The following LRFN5 variants were observed in gnomAD, a reference collection of about 807,000 sequenced individuals.
LRFN5 encodes leucine-rich repeat and fibronectin type-III domain-containing protein 5.
Under a neutral mutation model 45.6 loss-of-function variants are expected in LRFN5, and 24 were observed. The ratio of observed to expected loss-of-function variants is 0.53; its 90% CI spans 0.38 to 0.74. The LOEUF (loss-of-function observed/expected upper bound fraction) is 0.74, where lower values mean the gene tolerates loss of function less well. LRFN5 is among the 30% of genes least tolerant of loss of function. The pLI, the probability that LRFN5 is intolerant of heterozygous loss-of-function variation, is 0.00. For missense variants in LRFN5, 776 were observed against 861.5 expected, an observed-to-expected ratio of 0.90 and a Z score of 1.24; for synonymous variants, 340 against 313.8, an observed-to-expected ratio of 1.08 and a Z score of -0.88.
In LRFN5 at chr14:41,814,682, C is replaced by A. The variant is rs148492523; in HGVS notation, c.-21+47653C>A. ...TCGTGCTTCTAATTACTGCTCCCCC[C>A]ACTTTGTATTTTGTCACAACTAACC... On this transcript the variant is annotated intron_variant, in intron 2 of 5. Transcript: ENST00000298119. 3.9e-5 allele frequency among the ~76,000 whole-genome samples: 6 copies of A among 152,254 alleles called. No homozygotes were observed. The South Asian group carries it at 6.2e-4, about 16-fold the overall frequency.
intron 1 of LRFN5, among the ~76,000 whole-genome samples, chr14:41,676,028 G>A (rs977348207): frequency 6.6e-6 from 1 of 152,126 alleles, no homozygotes; most frequent in Admixed American, 6.5e-5. Context: ...AACCAAGAAG[G>A]GAAAGCTCCC....
intron 2 of LRFN5, among the ~76,000 whole-genome samples, chr14:41,872,546 A>G (rs1890053333): frequency 6.6e-6 from 1 of 152,198 alleles, no homozygotes; most frequent in Non-Finnish European, 1.5e-5. Flanking sequence ...ATTAGGAATG[A>G]GTCCTTATCA....
chr14:41,785,802 G>C (rs568555703), intron 2 of LRFN5, among the ~76,000 whole-genome samples: 29 of 152,240 alleles, frequency 1.9e-4, no homozygotes, highest in African/African-American at 7.0e-4. Context: ...TGTATAAAAG[G>C]CATGCAGCCT....
chr14:41,750,421 A>G (rs1454576126), intron 1 of LRFN5, among the ~76,000 whole-genome samples: 2 of 151,644 alleles, frequency 1.3e-5, no homozygotes, highest in Non-Finnish European at 2.9e-5. Flanking sequence ...GACCTGTGCA[A>G]GAGACATCAT....
chr14:41,693,653 T>G (rs1265745308), intron 1 of LRFN5, among the ~76,000 whole-genome samples: 1 of 152,086 alleles, frequency 6.6e-6, no homozygotes, highest in Non-Finnish European at 1.5e-5. Context: ...ATATTAACTT[T>G]GTATTCTGTG....
intron 1 of LRFN5, among the ~76,000 whole-genome samples, chr14:41,747,918 C>A (rs1297436942): frequency 6.6e-6 from 1 of 152,056 alleles, no homozygotes; most frequent in Admixed American, 6.6e-5. Flanking sequence ...CTAGCATCAA[C>A]AGTTTTAGGA....
At chr14:41,698,044 C>G (rs961873949) in intron 1 of LRFN5, among the ~76,000 whole-genome samples, 3 of 151,792 alleles carry the variant, frequency 2.0e-5, no homozygotes. Flanking sequence ...TGAACAGAAT[C>G]CTGCACATGA....
chr14:41,760,833 T>C (rs993113781), intron 1 of LRFN5, among the ~76,000 whole-genome samples: 1 of 152,120 alleles, frequency 6.6e-6, no homozygotes, highest in Non-Finnish European at 1.5e-5. Flanking sequence ...GATTATATTA[T>C]AGAACAACAT....
intron 1 of LRFN5, among the ~76,000 whole-genome samples, chr14:41,734,197 A>T (rs1884306799): frequency 7.0e-6 from 1 of 142,996 alleles, no homozygotes; most frequent in African/African-American, 2.5e-5. Context: ...TTTTTAGTAG[A>T]GATGGGGTTT....
At chr14:41,774,898 G>A (rs186840888) in intron 2 of LRFN5, among the ~76,000 whole-genome samples, 161 of 152,088 alleles carry the variant, frequency 1.1e-3, no homozygotes, top group Admixed American at 2.6e-3. Context: ...ATGTAAGGCT[G>A]GATAATGACT....
chr14:41,614,093 C>G (rs1474779633), intron 1 of LRFN5, among the ~76,000 whole-genome samples: 7 of 151,988 alleles, frequency 4.6e-5, no homozygotes, highest in Admixed American at 3.3e-4. Context: ...TGGTACTTTT[C>G]TTATTAATTA....
intron 1 of LRFN5, among the ~76,000 whole-genome samples, chr14:41,615,062 G>A (rs1009897344): frequency 6.6e-6 from 1 of 151,974 alleles, no homozygotes; most frequent in Non-Finnish European, 1.5e-5. Flanking sequence ...AACCACAGAT[G>A]TTCAAATTTA....
chr14:41,865,333 T>C lies in LRFN5; in HGVS notation c.-20-21273T>C, dbSNP rs370555255. On this transcript the variant is annotated intron_variant, in intron 2 of 5. Coordinates refer to ENST00000298119, the MANE Select transcript of LRFN5 (RefSeq NM_152447.5). Reference sequence around the variant, plus strand: ...AAATGGAATTGTATTATATGCAGTATTTTTTGACAGGCTGTTTTTATGTAG... The same window carrying C: ...AAATGGAATTGTATTATATGCAGTACTTTTTGACAGGCTGTTTTTATGTAG... Among the ~76,000 whole-genome samples the C allele has an allele frequency of 5.7e-4, 87 of 152,276 alleles. 2 individuals carry two copies. The South Asian group carries it at 0.017, about 30-fold the overall frequency.
At chr14:41,699,087 ATT>A (rs967116162) in intron 1 of LRFN5, among the ~76,000 whole-genome samples, 3 of 151,994 alleles carry the variant, frequency 2.0e-5, no homozygotes, top group African/African-American at 7.2e-5. Context: ...GACTTGTAGA[ATT>A]TTTTTTCATT....
At chr14:41,611,586 A>G (rs1475443009) in intron 1 of LRFN5, among the ~76,000 whole-genome samples, 1 of 152,234 alleles carries the variant, frequency 6.6e-6, no homozygotes, top group Non-Finnish European at 1.5e-5. Context: ...GGTGAAAAGA[A>G]GTTGTCACTT....
At chr14:41,849,147 A>G (rs1161458339) in intron 2 of LRFN5, among the ~76,000 whole-genome samples, 5 of 152,054 alleles carry the variant, frequency 3.3e-5, no homozygotes, top group Non-Finnish European at 7.4e-5. Flanking sequence ...TACACTATAA[A>G]GTAACAAATT....
chr14:41,868,480 T>C (rs923682765), intron 2 of LRFN5, among the ~76,000 whole-genome samples: 12 of 152,124 alleles, frequency 7.9e-5, no homozygotes, highest in African/African-American at 2.9e-4. Context: ...TGGTAGTCAT[T>C]TACTTATCTA....
intron 2 of LRFN5, among the ~76,000 whole-genome samples, chr14:41,818,081 G>A (rs1427122684): frequency 1.3e-5 from 2 of 151,596 alleles, no homozygotes; most frequent in Non-Finnish European, 2.9e-5. Flanking sequence ...CTTTAATTCT[G>A]GAAATGTTAA....
intron 1 of LRFN5, among the ~76,000 whole-genome samples, chr14:41,621,246 A>T (rs1196410888): frequency 6.6e-6 from 1 of 152,098 alleles, no homozygotes; most frequent in African/African-American, 2.4e-5. Flanking sequence ...TGTGAAATAC[A>T]GTCTATATTG....
Sources: allele counts gnomAD v4.1 joint callset (sites outside exome capture counted in the v4.1 genomes callset), GRCh38; gene constraint gnomAD v4.1.1; transcripts MANE v1.5; gene names NCBI Gene and HGNC (gene_info 2026-07-23, HGNC 2026-07-21).